Variants in GALNT2 observed in about 807,000 individuals in gnomAD.
GALNT2 encodes UDP-GalNAc:polypeptide N-acetylgalactosaminyltransferase 2.
A neutral mutation model predicts 81.4 loss-of-function variants in GALNT2; 31 were observed. The observed-to-expected ratio is 0.38, with a 90% CI of 0.29 to 0.51. The LOEUF is 0.51. Among genes scored for constraint, GALNT2 ranks in the 20% least tolerant of loss-of-function variants. The probability of loss-of-function intolerance (pLI) is 0.87; values close to 1 mark genes in which losing one functional copy is unlikely to be tolerated. For synonymous variants in GALNT2, 303 were observed against 287.4 expected (o/e 1.05, Z -0.55); for missense variants, 629 against 765.7 (o/e 0.82, Z 2.11).
At chr1:230,214,119 T>TC (rs1664314180) in intron 3 of GALNT2, among the ~76,000 whole-genome samples, 1 of 122,428 alleles carries the variant, frequency 8.2e-6, no homozygotes, top group Admixed American at 1.1e-4. Context: ...ACTTTACTTT[T>TC]TTTTTTTTTT....
chr1:230,214,103 A>G (rs1349954492), intron 3 of GALNT2, among the ~76,000 whole-genome samples: 1 of 140,212 alleles, frequency 7.1e-6, no homozygotes, highest in Non-Finnish European at 1.5e-5. Context: ...GTCTGAAAAC[A>G]TCTTAACTTT....
At chr1:230,256,275 A>T (rs1442035499) in intron 11 of GALNT2, among the ~76,000 whole-genome samples, 1 of 152,140 alleles carries the variant, frequency 6.6e-6, no homozygotes, top group Non-Finnish European at 1.5e-5. Flanking sequence ...TGGAAACCGC[A>T]TCTCTACTAA....
chr1:230,163,140 C>T lies in GALNT2; in HGVS notation c.127-15078C>T, dbSNP rs146525427. 4.8e-3 allele frequency among the ~76,000 whole-genome samples: 719 copies of T among 150,326 alleles called. 6 individuals are homozygous for T. The highest frequency in any genetic ancestry group is 0.016 in the African/African-American group (654 of 40,724). On this transcript the variant is annotated intron_variant, in intron 1 of 15. Transcript: ENST00000366672. ...TACAGAAAGATAAGAATCAGCTAAA[C>T]ATGTTCTTTGAAACTCCGCATTAAA...
chr1:230,239,811 G>T (rs1044743577), intron 6 of GALNT2, among the ~76,000 whole-genome samples: 10 of 152,084 alleles, frequency 6.6e-5, no homozygotes. Flanking sequence ...AATTATTCTT[G>T]TAGCTTTTCA....
chr1:230,080,472 G>C (rs564296892), intron 1 of GALNT2, among the ~76,000 whole-genome samples: 1 of 152,162 alleles, frequency 6.6e-6, no homozygotes, highest in Admixed American at 6.5e-5. Context: ...TGGTGCCAGC[G>C]GGAAGGTCTA....
intron 1 of GALNT2, among the ~76,000 whole-genome samples, chr1:230,079,199 G>A (rs568275732): frequency 4.5e-4 from 68 of 152,338 alleles, no homozygotes; most frequent in African/African-American, 1.5e-3. Context: ...GCTATTTTAC[G>A]TGGTATTTGT....
At chr1:230,192,360 G>A (rs1478384033) in intron 2 of GALNT2, among the ~76,000 whole-genome samples, 1 of 152,198 alleles carries the variant, frequency 6.6e-6, no homozygotes, top group Non-Finnish European at 1.5e-5. Flanking sequence ...GTATGGTGTG[G>A]ACAAGGTCTT....
chr1:230,149,466 CGTT>C (rs1662026986), intron 1 of GALNT2, among the ~76,000 whole-genome samples: 1 of 152,090 alleles, frequency 6.6e-6, no homozygotes. Flanking sequence ...TTAGGTCTGG[CGTT>C]GAGGGCAGCA....
At chr1:230,108,716 G>T (rs1232644741) in intron 1 of GALNT2, among the ~76,000 whole-genome samples, 1 of 152,204 alleles carries the variant, frequency 6.6e-6, no homozygotes, top group Non-Finnish European at 1.5e-5. Context: ...CTGCAATTGG[G>T]CAAGTCATAT....
intron 3 of GALNT2, among the ~76,000 whole-genome samples, chr1:230,220,799 A>G (rs1158675356): frequency 3.3e-5 from 5 of 152,158 alleles, no homozygotes; most frequent in Non-Finnish European, 5.9e-5. Flanking sequence ...CGGTGATGCT[A>G]ATGATCTGCC....
At chr1:230,140,603 G>A (rs148383819) in intron 1 of GALNT2, among the ~76,000 whole-genome samples, 1 of 152,372 alleles carries the variant, frequency 6.6e-6, no homozygotes, top group East Asian at 1.9e-4. Context: ...GTGCTTCCTG[G>A]AGTGACGCGC....
intron 1 of GALNT2, among the ~76,000 whole-genome samples, chr1:230,122,286 G>T (rs1661040047): frequency 6.6e-6 from 1 of 152,140 alleles, no homozygotes; most frequent in Non-Finnish European, 1.5e-5. Flanking sequence ...TTTGTAGTTG[G>T]TTAGAAAAGA....
chr1:230,202,589 C>T (rs1326549661), intron 2 of GALNT2, among the ~76,000 whole-genome samples: 2 of 152,202 alleles, frequency 1.3e-5, no homozygotes, highest in African/African-American at 4.8e-5. Context: ...TCACTTTCTC[C>T]CCGTGGGGTC....
At position 230,279,446 on chromosome 1, in the gene GALNT2, C is replaced by A; in HGVS notation, c.1704C>A (p.Asn568Lys). The change falls in exon 16 of 16, where the codon AAC (asparagine) becomes AAA (lysine). Residue 568 changes from asparagine to lysine, a missense_variant. Asn to Lys is a moderately conservative substitution (Grantham distance 94). Coordinates refer to ENST00000366672, the MANE Select transcript of GALNT2 (RefSeq NM_004481.5). The surrounding 1 kb of genome is among the most constrained non-coding windows in gnomAD (Gnocchi z 4.6). ...CGCAGCAGTGGAAGTTCACGCTCAA[C>A]CTGCAGCAGTAGGAGGGTCCGGGAG... ...ALSQQWKFTL[N>K]LQQ 1 of 1,613,954 alleles carries A rather than the reference C, an allele frequency of 6.2e-7. No individual in the cohort carries two copies. The highest frequency in any genetic ancestry group is 1.3e-5 in the African/African-American group (1 of 75,066).
chr1:230,190,219 A>G (rs766408162), intron 2 of GALNT2, among the ~76,000 whole-genome samples: 5 of 152,256 alleles, frequency 3.3e-5, no homozygotes, highest in Admixed American at 6.5e-5. Context: ...AATTATATTC[A>G]TACATAATTC....
At chr1:230,264,962 C>A (rs1665987655) in intron 13 of GALNT2, 2 of 327,886 alleles carry the variant, frequency 6.1e-6, no homozygotes, top group Admixed American at 4.7e-5. Flanking sequence ...AGGAGCTTTT[C>A]CTTCCTTTCC....
intron 14 of GALNT2, among the ~76,000 whole-genome samples, chr1:230,270,173 C>A (rs1466779769): frequency 1.3e-5 from 2 of 152,088 alleles, no homozygotes; most frequent in African/African-American, 2.4e-5. Flanking sequence ...TATACTCCAG[C>A]CTGGGTGACA....
Position 230,205,388 on chromosome 1 carries a change from A to G in GALNT2, c.374+2098A>G, listed in dbSNP as rs574997015. Among the ~76,000 whole-genome samples, 35 of 152,224 alleles carry G rather than the reference A, an allele frequency of 2.3e-4. No homozygotes were observed. The South Asian group carries it at 6.8e-3, about 30-fold the overall frequency. ...TGTGTGTGTGTGTTTGTGTGTTAAT[A>G]TCTGATACATATGAGTATATGTAAA... On this transcript the variant is annotated intron_variant, in intron 3 of 15. Coordinates refer to ENST00000366672, the MANE Select transcript of GALNT2 (RefSeq NM_004481.5).
chr1:230,240,503 A>G (rs570640064), intron 6 of GALNT2, among the ~76,000 whole-genome samples: 18 of 152,178 alleles, frequency 1.2e-4, no homozygotes, highest in Admixed American at 7.8e-4. Context: ...GAGGCAGAAG[A>G]CTCGCTTGAA....
Sources: allele counts gnomAD v4.1 joint callset (sites outside exome capture counted in the v4.1 genomes callset), GRCh38; gene constraint gnomAD v4.1.1; non-coding constraint Gnocchi (gnomAD v3.1); transcripts MANE v1.5; gene names NCBI Gene and HGNC (gene_info 2026-07-23, HGNC 2026-07-21).